The following KCNK1 variants were observed in gnomAD, a reference collection of about 807,000 sequenced individuals.
KCNK1 encodes the protein potassium two pore domain channel subfamily K member 1, also known as potassium channel subfamily K member 1.
A neutral mutation model predicts 22.2 loss-of-function variants in KCNK1; 10 were observed. The ratio of observed to expected loss-of-function variants is 0.45; its 90% CI spans 0.28 to 0.76. KCNK1 has a LOEUF of 0.76. Among genes scored for constraint, KCNK1 ranks in the 30% least tolerant of loss-of-function variants. The pLI is 0.14. For synonymous variants in KCNK1, 200 were observed against 186.4 expected (o/e 1.07, Z -0.60); for missense variants, 378 against 421.0 (o/e 0.90, Z 0.89).
chr1:233,626,095 C>T (rs966519045), intron 1 of KCNK1, among the ~76,000 whole-genome samples: 1 of 151,318 alleles, frequency 6.6e-6, no homozygotes, highest in African/African-American at 2.4e-5. Context: ...TAAAAGGAGG[C>T]TCTTCTGATG....
At chr1:233,635,738 A>T (rs1006581616) in intron 1 of KCNK1, among the ~76,000 whole-genome samples, 1 of 152,214 alleles carries the variant, frequency 6.6e-6, no homozygotes, top group Non-Finnish European at 1.5e-5. Flanking sequence ...ATGCTGAGGA[A>T]CATCAGGGAA....
chr1:233,648,550 TCTTG>T (rs1299299795), intron 1 of KCNK1, among the ~76,000 whole-genome samples: 2 of 151,928 alleles, frequency 1.3e-5, no homozygotes, highest in Non-Finnish European at 2.9e-5. Context: ...TCTCTTTCTT[TCTTG>T]CTTGCTTGCT....
chr1:233,638,471 A>C (rs1202060906), intron 1 of KCNK1, among the ~76,000 whole-genome samples: 1 of 151,604 alleles, frequency 6.6e-6, no homozygotes, highest in Non-Finnish European at 1.5e-5. Context: ...AGGGTTTTGC[A>C]GAAGGGAGAA....
intron 1 of KCNK1, among the ~76,000 whole-genome samples, chr1:233,625,463 C>A (rs1053418263): frequency 6.6e-6 from 1 of 151,886 alleles, no homozygotes; most frequent in African/African-American, 2.4e-5. Context: ...AAGAGGTATT[C>A]CAGATTTTAT....
chr1:233,622,642 T>C (rs1046702993), intron 1 of KCNK1, among the ~76,000 whole-genome samples: 2 of 152,164 alleles, frequency 1.3e-5, no homozygotes, highest in African/African-American at 4.8e-5. Flanking sequence ...TGAGGCTGAA[T>C]GGAGGAAGAA....
intron 1 of KCNK1, among the ~76,000 whole-genome samples, chr1:233,625,871 G>T (rs1657680296): frequency 6.6e-6 from 1 of 152,160 alleles, no homozygotes; most frequent in South Asian, 2.1e-4. Flanking sequence ...AAGTGACTGT[G>T]GCTGGAGCTG....
intron 1 of KCNK1, among the ~76,000 whole-genome samples, chr1:233,647,350 C>T (rs2102899183): frequency 6.6e-6 from 1 of 152,208 alleles, no homozygotes; most frequent in South Asian, 2.1e-4. Flanking sequence ...AACCTCATTG[C>T]CTAGTATGTA....
chr1:233,617,128 G>A (rs989624631), intron 1 of KCNK1, among the ~76,000 whole-genome samples: 1 of 151,938 alleles, frequency 6.6e-6, no homozygotes, highest in African/African-American at 2.4e-5. Flanking sequence ...AATCAGTACA[G>A]TCAATCCTTG....
intron 1 of KCNK1, among the ~76,000 whole-genome samples, chr1:233,653,682 C>A (rs1212176830): frequency 6.6e-6 from 1 of 152,130 alleles, no homozygotes; most frequent in Non-Finnish European, 1.5e-5. Context: ...TGTCATTGGC[C>A]TCCATGGTTC....
At chr1:233,650,483 G>A (rs924068804) in intron 1 of KCNK1, among the ~76,000 whole-genome samples, 1 of 152,182 alleles carries the variant, frequency 6.6e-6, no homozygotes, top group Non-Finnish European at 1.5e-5. Context: ...GCTAGGAAGA[G>A]TGTGGCCAAT....
At chr1:233,650,809 A>AC (rs1378597547) in intron 1 of KCNK1, among the ~76,000 whole-genome samples, 3 of 151,946 alleles carry the variant, frequency 2.0e-5, no homozygotes, top group South Asian at 2.1e-4. Context: ...AAAAAAAAAA[A>AC]AAAACTGTTG....
At chr1:233,637,070 C>T (rs1003520625) in intron 1 of KCNK1, among the ~76,000 whole-genome samples, 1 of 151,922 alleles carries the variant, frequency 6.6e-6, no homozygotes, top group African/African-American at 2.4e-5. Context: ...GTGGCGGGCA[C>T]CTGTAGTCCC....
At chr1:233,647,186 T>C (rs1034346968) in intron 1 of KCNK1, among the ~76,000 whole-genome samples, 10 of 152,248 alleles carry the variant, frequency 6.6e-5, no homozygotes, top group African/African-American at 2.4e-4. Flanking sequence ...TTCCTCTAAA[T>C]CGTTTTCTTT....
chr1:233,642,537 G>A lies in KCNK1; in HGVS notation c.356-24058G>A, dbSNP rs750690405. On this transcript the variant is annotated intron_variant, in intron 1 of 2. Coordinates refer to ENST00000366621, the MANE Select transcript of KCNK1 (RefSeq NM_002245.4). Reference sequence around the variant, plus strand: ...AGGGCAGGGGGTGTTCTGAGACCACGTCCTGGTTCTCTGATGCAGGCGCAG... The same window carrying A: ...AGGGCAGGGGGTGTTCTGAGACCACATCCTGGTTCTCTGATGCAGGCGCAG... 8.9e-4 allele frequency among the ~76,000 whole-genome samples: 135 copies of A among 152,230 alleles called. No individual in the cohort carries two copies. In the Middle Eastern group the frequency reaches 0.014, roughly 15 times the overall value.
intron 1 of KCNK1, among the ~76,000 whole-genome samples, chr1:233,619,777 G>A (rs1023401400): frequency 3.9e-5 from 6 of 152,054 alleles, no homozygotes; most frequent in African/African-American, 1.2e-4. Context: ...AGGCGTGGTG[G>A]TGCACACCTG....
intron 1 of KCNK1, among the ~76,000 whole-genome samples, chr1:233,637,830 T>C (rs1413396241): frequency 6.6e-6 from 1 of 152,182 alleles, no homozygotes; most frequent in Admixed American, 6.5e-5. Context: ...TTCTATTCAC[T>C]GGGCTGAATA....
intron 1 of KCNK1, among the ~76,000 whole-genome samples, chr1:233,640,172 A>G (rs2068603): frequency 0.23 from 34,433 of 152,126 alleles, 4,170 homozygotes; most frequent in Middle Eastern, 0.28. Context: ...TCTTGGTAAC[A>G]TTTGAATAAA....
intron 1 of KCNK1, among the ~76,000 whole-genome samples, chr1:233,645,870 A>G (rs544950059): frequency 6.6e-6 from 1 of 152,242 alleles, no homozygotes; most frequent in African/African-American, 2.4e-5. Flanking sequence ...TTCTGAAAGT[A>G]GAACCAACAG....
intron 1 of KCNK1, among the ~76,000 whole-genome samples, chr1:233,627,231 A>G (rs1657704285): frequency 6.6e-6 from 1 of 152,212 alleles, no homozygotes; most frequent in Non-Finnish European, 1.5e-5. Flanking sequence ...TCATCTAAAC[A>G]TCTTCTTTAT....
Sources: allele counts gnomAD v4.1 joint callset (sites outside exome capture counted in the v4.1 genomes callset), GRCh38; gene constraint gnomAD v4.1.1; transcripts MANE v1.5; gene names NCBI Gene and HGNC (gene_info 2026-07-23, HGNC 2026-07-21).